The following KCNH8 variants were observed in gnomAD, a reference collection of about 807,000 sequenced individuals.
KCNH8 encodes potassium voltage-gated channel subfamily H member 8.
KCNH8 carries 70 observed loss-of-function variants against 103.6 expected under a neutral mutation model. The ratio of observed to expected loss-of-function variants is 0.68; its 90% CI spans 0.56 to 0.82. The LOEUF is 0.82. KCNH8 is among the 40% of genes least tolerant of loss of function. The pLI is 0.00. For missense variants in KCNH8, 1,217 were observed against 1,329.9 expected (o/e 0.92, Z 1.32); for synonymous variants, 498 against 489.4 (o/e 1.02, Z -0.23).
intron 5 of KCNH8, among the ~76,000 whole-genome samples, chr3:19,374,826 C>G (rs894724963): frequency 1.3e-5 from 2 of 151,960 alleles, no homozygotes; most frequent in African/African-American, 4.8e-5. Flanking sequence ...TGAGCATTTG[C>G]TTGTCTGTAA....
intron 3 of KCNH8, among the ~76,000 whole-genome samples, chr3:19,298,184 T>C (rs1486708147): frequency 6.6e-6 from 1 of 152,242 alleles, no homozygotes; most frequent in East Asian, 1.9e-4. Flanking sequence ...TGGTAATGGC[T>C]ACCTAGAATT....
At chr3:19,367,782 G>A (rs1213002329) in intron 5 of KCNH8, among the ~76,000 whole-genome samples, 3 of 151,872 alleles carry the variant, frequency 2.0e-5, no homozygotes, top group Admixed American at 6.6e-5. Context: ...CTTTAGAGTT[G>A]CTAATTCTTA....
intron 13 of KCNH8, among the ~76,000 whole-genome samples, chr3:19,514,034 G>A (rs1016250735): frequency 6.6e-6 from 1 of 151,546 alleles, no homozygotes; most frequent in African/African-American, 2.4e-5. Flanking sequence ...TGTATTTTGC[G>A]AGATAATTTC....
At chr3:19,438,790 A>G (rs1187696901) in intron 8 of KCNH8, among the ~76,000 whole-genome samples, 7 of 152,168 alleles carry the variant, frequency 4.6e-5, no homozygotes, top group East Asian at 1.9e-4. Context: ...TTACTTTTAC[A>G]TATGCCCTCT....
intron 5 of KCNH8, among the ~76,000 whole-genome samples, chr3:19,373,961 G>A (rs1025517079): frequency 3.1e-4 from 47 of 152,178 alleles, no homozygotes; most frequent in Non-Finnish European, 4.3e-4. Context: ...TGATTGCACT[G>A]TGGTCTGAGA....
chr3:19,226,658 C>T lies in KCNH8; in HGVS notation c.77-26996C>T, dbSNP rs529503650. On this transcript the variant is annotated intron_variant, in intron 1 of 15. Coordinates refer to ENST00000328405, the MANE Select transcript of KCNH8 (RefSeq NM_144633.3). ...ACACACACACACGGGAAAATTCACT[C>T]TGCAGGAAAGGCAGCTGTTAACTTA... Among the ~76,000 whole-genome samples, 157 of 150,336 alleles carry T rather than the reference C, an allele frequency of 1.0e-3. 1 individual carries two copies. The highest frequency in any genetic ancestry group is 3.6e-3 in the African/African-American group (143 of 39,956).
intron 1 of KCNH8, among the ~76,000 whole-genome samples, chr3:19,242,568 T>C (rs542917967): frequency 6.6e-6 from 1 of 152,198 alleles, no homozygotes; most frequent in East Asian, 1.9e-4. Flanking sequence ...ATTCCCCCTC[T>C]CCCCCTAAAC....
intron 3 of KCNH8, among the ~76,000 whole-genome samples, chr3:19,302,731 C>T (rs1186835751): frequency 6.6e-6 from 1 of 152,128 alleles, no homozygotes; most frequent in African/African-American, 2.4e-5. Context: ...CATCCCCAAC[C>T]CTTTATCATA....
At chr3:19,263,553 C>T (rs1307071928) in intron 2 of KCNH8, among the ~76,000 whole-genome samples, 1 of 152,054 alleles carries the variant, frequency 6.6e-6, no homozygotes, top group African/African-American at 2.4e-5. Flanking sequence ...AGACAGTGAA[C>T]CAAAGTGCCT....
intron 11 of KCNH8, among the ~76,000 whole-genome samples, chr3:19,500,352 C>G (rs1437133059): frequency 1.3e-5 from 2 of 152,128 alleles, no homozygotes; most frequent in Admixed American, 1.3e-4. Context: ...CTTTAACACC[C>G]CACTGTCAAC....
intron 3 of KCNH8, among the ~76,000 whole-genome samples, chr3:19,318,662 T>TACACAC (rs141442113): frequency 1.6e-4 from 23 of 142,564 alleles, no homozygotes; most frequent in African/African-American, 5.7e-4. Context: ...TGTGTGTGTG[T>TACACAC]ACACACACAC....
rs1575119023 is a variant in KCNH8, at chr3:19,481,034, T to C, written c.2040+24052T>C. ...TATAAAGCCTTCCTGCTGTTCAAAA[T>C]AACATTGTGCCAAGACAAATCTTTC... On this transcript the variant is annotated intron_variant, in intron 11 of 15. Transcript: ENST00000328405. 3.3e-5 allele frequency among the ~76,000 whole-genome samples: 5 copies of C among 152,318 alleles called. 1 individual carries two copies. In the South Asian group the frequency reaches 1.0e-3, roughly 32 times the overall value.
At chr3:19,290,566 T>C (rs537379090) in intron 3 of KCNH8, among the ~76,000 whole-genome samples, 1 of 152,370 alleles carries the variant, frequency 6.6e-6, no homozygotes, top group Admixed American at 6.5e-5. Flanking sequence ...TTTGCGTATG[T>C]TGAACCAGCC....
intron 3 of KCNH8, among the ~76,000 whole-genome samples, chr3:19,283,823 G>T (rs1344493743): frequency 6.6e-6 from 1 of 150,942 alleles, no homozygotes; most frequent in Non-Finnish European, 1.5e-5. Flanking sequence ...CGCACTTGTA[G>T]TCCCAGCTAT....
intron 3 of KCNH8, among the ~76,000 whole-genome samples, chr3:19,295,543 A>G (rs943736357): frequency 1.3e-5 from 2 of 152,198 alleles, no homozygotes; most frequent in Non-Finnish European, 2.9e-5. Context: ...GTATTAAAGA[A>G]TATTCCCAGT....
intron 8 of KCNH8, among the ~76,000 whole-genome samples, chr3:19,449,650 T>A (rs1238355412): frequency 6.6e-6 from 1 of 152,078 alleles, no homozygotes. Context: ...ATTTCAAAAA[T>A]TTATTTCATT....
At chr3:19,312,419 G>A (rs540921497) in intron 3 of KCNH8, among the ~76,000 whole-genome samples, 9 of 152,018 alleles carry the variant, frequency 5.9e-5, no homozygotes, top group South Asian at 4.1e-4. Context: ...TTGGCAAGCC[G>A]TATAAGCTTG....
intron 3 of KCNH8, among the ~76,000 whole-genome samples, chr3:19,332,875 C>T (rs112649552): frequency 2.6e-5 from 4 of 152,188 alleles, no homozygotes; most frequent in African/African-American, 4.8e-5. Flanking sequence ...TCAAGTGATC[C>T]GCCCGCCTTG....
intron 1 of KCNH8, among the ~76,000 whole-genome samples, chr3:19,198,708 G>T (rs2063626879): frequency 6.8e-6 from 1 of 146,128 alleles, no homozygotes; most frequent in African/African-American, 2.8e-5. Flanking sequence ...ATAACAACCA[G>T]TGCCAATACC....
Sources: allele counts gnomAD v4.1 joint callset (sites outside exome capture counted in the v4.1 genomes callset), GRCh38; gene constraint gnomAD v4.1.1; transcripts MANE v1.5; gene names NCBI Gene and HGNC (gene_info 2026-07-23, HGNC 2026-07-21).